The following DIS3L2 variants were observed in gnomAD, a reference collection of about 807,000 sequenced individuals.
DIS3L2 encodes DIS3-like exonuclease 2.
A neutral mutation model predicts 97.5 loss-of-function variants in DIS3L2; 34 were observed. The observed-to-expected ratio is 0.35, with a 90% CI of 0.27 to 0.46. DIS3L2 has a LOEUF of 0.46. Among genes scored for constraint, DIS3L2 ranks in the 20% least tolerant of loss-of-function variants. The pLI is 1.00. For synonymous variants in DIS3L2, 435 were observed against 445.2 expected, an observed-to-expected ratio of 0.98 and a Z score of 0.29; for missense variants, 1,038 against 1,146.0, an observed-to-expected ratio of 0.91 and a Z score of 1.36.
At chr2:232,083,733 G>T (rs1218776805) in intron 5 of DIS3L2, among the ~76,000 whole-genome samples, 5 of 152,122 alleles carry the variant, frequency 3.3e-5, no homozygotes, top group Non-Finnish European at 1.5e-5. Context: ...GACTGCAAGT[G>T]ATCTGCCTGC....
chr2:232,342,993 G>C (rs188357307), intron 13 of DIS3L2: 49 of 191,348 alleles, frequency 2.6e-4, no homozygotes, highest in Admixed American at 1.8e-3. Context: ...GAGTCAGAGT[G>C]GGGGGGCTGG....
Position 232,263,497 on chromosome 2 carries a change from G to A in DIS3L2, c.1659+57G>A, listed in dbSNP as rs978502274. 59 of 1,547,016 alleles carry A rather than the reference G, an allele frequency of 3.8e-5. No individual in the cohort carries two copies. The South Asian group carries it at 4.4e-4, about 12-fold the overall frequency. On this transcript the variant is annotated intron_variant, in intron 13 of 20. Coordinates refer to ENST00000325385, the MANE Select transcript of DIS3L2 (RefSeq NM_152383.5). ...GATTTGACTCGTGCCTGAACCCAGC[G>A]TGGATGAGCGCAGCTTGGCAGGCTT...
intron 1 of DIS3L2, among the ~76,000 whole-genome samples, chr2:231,962,787 T>G (rs1692605515): frequency 6.6e-6 from 1 of 152,326 alleles, no homozygotes; most frequent in South Asian, 2.1e-4. Context: ...CTCCCACTTG[T>G]AAGTGTGCTC....
intron 14 of DIS3L2, among the ~76,000 whole-genome samples, chr2:232,305,137 G>A (rs1281614778): frequency 6.6e-6 from 1 of 152,016 alleles, no homozygotes. Flanking sequence ...GTGCAGTGGC[G>A]CAAACTCAGC....
chr2:232,130,925 G>A, intron 7 of DIS3L2: 1 of 680,982 alleles, frequency 1.5e-6, no homozygotes, highest in Non-Finnish European at 2.2e-6. Context: ...AGGGGTCAAG[G>A]CCTTTTCTTT....
intron 6 of DIS3L2, among the ~76,000 whole-genome samples, chr2:232,099,076 G>T (rs544420650): frequency 6.6e-6 from 1 of 152,076 alleles, no homozygotes; most frequent in Admixed American, 6.5e-5. Flanking sequence ...TAAGATTATC[G>T]TCTGGTTTCT....
At chr2:232,041,380 T>TA (rs918017515) in intron 5 of DIS3L2, among the ~76,000 whole-genome samples, 9 of 152,294 alleles carry the variant, frequency 5.9e-5, no homozygotes, top group Middle Eastern at 3.4e-3. Flanking sequence ...AAGGGGGTCC[T>TA]ACTGGGGCTT....
At chr2:232,207,215 C>T (rs1395054803) in intron 9 of DIS3L2, among the ~76,000 whole-genome samples, 1 of 152,066 alleles carries the variant, frequency 6.6e-6, no homozygotes, top group Non-Finnish European at 1.5e-5. Flanking sequence ...TTATTGAGTA[C>T]TCAGTGTATA....
intron 6 of DIS3L2, among the ~76,000 whole-genome samples, chr2:232,089,967 T>C (rs974579670): frequency 2.0e-5 from 3 of 152,158 alleles, no homozygotes; most frequent in Non-Finnish European, 2.9e-5. Context: ...TCTCACTTTT[T>C]TGCCCAGGCT....
intron 13 of DIS3L2, among the ~76,000 whole-genome samples, chr2:232,267,010 T>A (rs1391645687): frequency 6.6e-6 from 1 of 152,166 alleles, no homozygotes; most frequent in African/African-American, 2.4e-5. Flanking sequence ...ATGGTGATTG[T>A]TTGTTGAGTT....
chr2:232,330,119 T>C, intron 15 of DIS3L2, 123 bp downstream of exon 15: 1 of 1,236,822 alleles, frequency 8.1e-7, no homozygotes, highest in Non-Finnish European at 1.1e-6. Context: ...GCCAGGTCTC[T>C]CCTGTAGGGA....
At chr2:232,163,381 T>G in intron 8 of DIS3L2, 78 bp from the exon 9 acceptor site, 1 of 1,472,596 alleles carries the variant, frequency 6.8e-7, no homozygotes, top group Non-Finnish European at 9.2e-7. Flanking sequence ...TCCCACTACT[T>G]TACTTTTAGA....
intron 1 of DIS3L2, among the ~76,000 whole-genome samples, chr2:231,971,925 G>A (rs1273018644): frequency 1.3e-5 from 2 of 148,688 alleles, no homozygotes; most frequent in African/African-American, 4.9e-5. Context: ...GGTGGCTCAC[G>A]CCTGTAATCC....
chr2:232,275,055 C>A (rs910292056), intron 13 of DIS3L2, among the ~76,000 whole-genome samples: 1 of 152,016 alleles, frequency 6.6e-6, no homozygotes, highest in Non-Finnish European at 1.5e-5. Flanking sequence ...AACCCCTATC[C>A]TTCCTCCTCC....
At position 232,293,808 on chromosome 2, in the gene DIS3L2, T is replaced by C. The variant is rs1182579054; in HGVS notation, c.1660-6232T>C. Among the ~76,000 whole-genome samples, 2 of 152,152 alleles carry C rather than the reference T, an allele frequency of 1.3e-5. No individual in the cohort carries two copies. The highest frequency in any genetic ancestry group is 2.4e-5 in the African/African-American group (1 of 41,416). On this transcript the variant is annotated intron_variant, in intron 13 of 20. Transcript: ENST00000325385. The surrounding 1 kb of genome is among the most constrained non-coding windows in gnomAD (Gnocchi z 4.6). ...TCCAAAAGCAGGAAGCCGTCAAAGG[T>C]ACTAAAGAGGGAAGTGTTACCAGGT...
intron 17 of DIS3L2, 132 bp downstream of exon 17, chr2:232,334,119 A>C (rs769173321): frequency 1.6e-4 from 223 of 1,402,984 alleles, no homozygotes; most frequent in Non-Finnish European, 2.0e-4. Context: ...ACCCAAGTGC[A>C]GGGGAGCCTG....
chr2:232,317,332 A>C (rs1434459880), intron 14 of DIS3L2, among the ~76,000 whole-genome samples: 1 of 152,192 alleles, frequency 6.6e-6, no homozygotes, highest in East Asian at 1.9e-4. Flanking sequence ...TGTTGGGAAC[A>C]CAGAGGTGTT....
chr2:232,282,142 TAAAA>T (rs60408194), intron 13 of DIS3L2, among the ~76,000 whole-genome samples: 5 of 107,154 alleles, frequency 4.7e-5, no homozygotes, highest in Non-Finnish European at 9.3e-5. Context: ...CTCGTTTATT[TAAAA>T]AAAAAAAAAA....
At chr2:232,286,075 C>T (rs1412783939) in intron 13 of DIS3L2, among the ~76,000 whole-genome samples, 1 of 152,218 alleles carries the variant, frequency 6.6e-6, no homozygotes, top group African/African-American at 2.4e-5. Flanking sequence ...GGGGTGGCCT[C>T]TTCCTTCCCC....
Sources: gnomAD v4.1 joint callset for allele counts (sites outside exome capture counted in the v4.1 genomes callset) on GRCh38, gnomAD v4.1.1 for gene constraint, Gnocchi (gnomAD v3.1) non-coding constraint, MANE v1.5 for transcripts, NCBI Gene and HGNC (gene_info 2026-07-23, HGNC 2026-07-21) for gene names.